ANGPT1: variants seen among roughly 807,000 people sequenced by gnomAD.
ANGPT1 encodes angiopoietin 1.
A neutral mutation model predicts 62.2 loss-of-function variants in ANGPT1; 17 were observed. That is an observed-to-expected ratio of 0.27 (90% CI 0.19 to 0.41). The LOEUF (loss-of-function observed/expected upper bound fraction) is 0.41. Among genes scored for constraint, ANGPT1 ranks in the 10% least tolerant of loss-of-function variants. The pLI is 1.00. For missense variants in ANGPT1, 478 were observed against 594.9 expected, an observed-to-expected ratio of 0.80 and a Z score of 2.04; for synonymous variants, 199 against 198.9, an observed-to-expected ratio of 1.00 and a Z score of 0.00.
chr8:107,417,764 G>C (rs1272375119), intron 1 of ANGPT1, among the ~76,000 whole-genome samples: 16 of 152,152 alleles, frequency 1.1e-4, no homozygotes, highest in African/African-American at 3.6e-4. Flanking sequence ...GTTAGGAGAT[G>C]GGACAGAAAT....
intron 1 of ANGPT1, among the ~76,000 whole-genome samples, chr8:107,476,914 C>A (rs997652744): frequency 6.6e-6 from 1 of 152,038 alleles, no homozygotes; most frequent in Non-Finnish European, 1.5e-5. Context: ...TTCCCTAGTT[C>A]TCTAGCTGCT....
chr8:107,364,236 T>C (rs1407853534), intron 1 of ANGPT1, among the ~76,000 whole-genome samples: 3 of 152,278 alleles, frequency 2.0e-5, no homozygotes, highest in Admixed American at 2.0e-4. Flanking sequence ...AATAAAGAAA[T>C]GCTAAATCCC....
intron 1 of ANGPT1, among the ~76,000 whole-genome samples, chr8:107,378,392 C>G (rs986178637): frequency 3.3e-5 from 5 of 152,070 alleles, no homozygotes; most frequent in Admixed American, 3.3e-4. Context: ...AGTATAAAGG[C>G]AAAATGCAGA....
chr8:107,488,501 G>T (rs1297723024), intron 1 of ANGPT1, among the ~76,000 whole-genome samples: 1 of 152,114 alleles, frequency 6.6e-6, no homozygotes, highest in African/African-American at 2.4e-5. Context: ...TAATTCATTT[G>T]AAAATCAGGT....
At chr8:107,331,154 T>C (rs1188612400) in intron 3 of ANGPT1, among the ~76,000 whole-genome samples, 1 of 152,180 alleles carries the variant, frequency 6.6e-6, no homozygotes, top group African/African-American at 2.4e-5. Context: ...TTTTCATTTC[T>C]TTAGGCATAT....
intron 1 of ANGPT1, among the ~76,000 whole-genome samples, chr8:107,416,799 CT>C (rs35404455): frequency 0.67 from 86,517 of 129,972 alleles, 28,560 homozygotes; most frequent in Non-Finnish European, 0.74. Flanking sequence ...GTCAGATAAT[CT>C]TTTTTTTTTT....
At chr8:107,305,939 C>G (rs1310361491) in intron 4 of ANGPT1, among the ~76,000 whole-genome samples, 3 of 151,934 alleles carry the variant, frequency 2.0e-5, no homozygotes, top group Non-Finnish European at 4.4e-5. Flanking sequence ...TTATTATATA[C>G]TACGGTTTGA....
At chr8:107,326,221 G>A (rs1815285326) in intron 3 of ANGPT1, among the ~76,000 whole-genome samples, 1 of 152,080 alleles carries the variant, frequency 6.6e-6, no homozygotes, top group Admixed American at 6.6e-5. Context: ...ACATTCCACA[G>A]GATTTGGAAA....
intron 1 of ANGPT1, among the ~76,000 whole-genome samples, chr8:107,493,162 A>G (rs889677337): frequency 6.6e-6 from 1 of 150,566 alleles, no homozygotes; most frequent in Admixed American, 6.7e-5. Flanking sequence ...CAGACCCTTA[A>G]TGAACATGTT....
intron 2 of ANGPT1, among the ~76,000 whole-genome samples, chr8:107,342,830 CAA>C (rs1554584318): frequency 6.7e-5 from 7 of 104,490 alleles, no homozygotes; most frequent in Non-Finnish European, 1.1e-4. Flanking sequence ...CACACACACA[CAA>C]GTGTATATAT....
intron 7 of ANGPT1, among the ~76,000 whole-genome samples, chr8:107,280,215 T>G (rs1813970584): frequency 6.6e-6 from 1 of 152,110 alleles, no homozygotes; most frequent in East Asian, 1.9e-4. Flanking sequence ...TATTTTTTTT[T>G]TTGAGATGGC....
chr8:107,406,885 C>CA (rs10628191), intron 1 of ANGPT1, among the ~76,000 whole-genome samples: 100,095 of 141,726 alleles, frequency 0.71, 34,835 homozygotes, highest in East Asian at 0.82. Context: ...ATTAAATCCT[C>CA]AAAAAAAAAA....
At chr8:107,311,355 T>C (rs961715868) in intron 4 of ANGPT1, among the ~76,000 whole-genome samples, 1 of 152,106 alleles carries the variant, frequency 6.6e-6, no homozygotes, top group Non-Finnish European at 1.5e-5. Context: ...GCCATAATTT[T>C]ATTCAATTTT....
At chr8:107,473,306 C>A (rs1812412726) in intron 1 of ANGPT1, among the ~76,000 whole-genome samples, 1 of 152,014 alleles carries the variant, frequency 6.6e-6, no homozygotes, top group Non-Finnish European at 1.5e-5. Flanking sequence ...TCAGGAATTT[C>A]TTTTTCCTAT....
At chr8:107,356,519 G>A (rs568550111) in intron 1 of ANGPT1, among the ~76,000 whole-genome samples, 10 of 152,114 alleles carry the variant, frequency 6.6e-5, no homozygotes, top group Non-Finnish European at 1.2e-4. Flanking sequence ...AATATAGAAG[G>A]GAGGGCATAC....
At chr8:107,418,451 A>G (rs1810811082) in intron 1 of ANGPT1, among the ~76,000 whole-genome samples, 1 of 152,198 alleles carries the variant, frequency 6.6e-6, no homozygotes, top group Non-Finnish European at 1.5e-5. Context: ...ATTCCGTGAC[A>G]TTCAACTGAA....
intron 1 of ANGPT1, among the ~76,000 whole-genome samples, chr8:107,496,563 G>A (rs1450727434): frequency 6.6e-6 from 1 of 152,136 alleles, no homozygotes; most frequent in Non-Finnish European, 1.5e-5. Context: ...ATATCTGCAG[G>A]TGCATGTCTT....
At chr8:107,273,261 G>C (rs975553064) in intron 7 of ANGPT1, among the ~76,000 whole-genome samples, 5 of 152,064 alleles carry the variant, frequency 3.3e-5, no homozygotes, top group African/African-American at 4.8e-5. Flanking sequence ...GGGGTAGATA[G>C]AGAGAGGAGA....
intron 1 of ANGPT1, among the ~76,000 whole-genome samples, chr8:107,392,541 C>A (rs907006003): frequency 8.5e-5 from 13 of 152,098 alleles, no homozygotes; most frequent in Non-Finnish European, 1.9e-4. Context: ...AGTTTGCAGG[C>A]AATTTTTGTA....
Sources: allele counts gnomAD v4.1 joint callset (sites outside exome capture counted in the v4.1 genomes callset), GRCh38; gene constraint gnomAD v4.1.1; transcripts MANE v1.5; gene names NCBI Gene and HGNC (gene_info 2026-07-23, HGNC 2026-07-21).